CCBE1: variants seen among roughly 807,000 people sequenced by gnomAD.
CCBE1 encodes collagen and calcium binding EGF domains 1.
CCBE1 carries 37 observed loss-of-function variants against 50.0 expected under a neutral mutation model. The ratio of observed to expected loss-of-function variants is 0.74; its 90% CI spans 0.57 to 0.97. The LOEUF is 0.97. Ranked by LOEUF, CCBE1 falls within the 50% of genes least tolerant of loss-of-function variation. CCBE1 has a pLI of 0.00. For synonymous variants in CCBE1, 234 were observed against 203.7 expected (o/e 1.15, Z -1.27); for missense variants, 538 against 523.8 (o/e 1.03, Z -0.26).
At chr18:59,469,686 T>A (rs1911935961) in intron 3 of CCBE1, 79 bp from the exon 4 acceptor site, 1 of 1,588,630 alleles carries the variant, frequency 6.3e-7, no homozygotes, top group Admixed American at 1.7e-5. Context: ...AAGGACTTTC[T>A]GGGCTGGGCT....
At chr18:59,653,375 G>C (rs2054150279) in intron 2 of CCBE1, among the ~76,000 whole-genome samples, 1 of 152,214 alleles carries the variant, frequency 6.6e-6, no homozygotes, top group Non-Finnish European at 1.5e-5. Context: ...ATCTGGTCAT[G>C]CTACTTTTTT....
intron 2 of CCBE1, among the ~76,000 whole-genome samples, chr18:59,576,474 T>C (rs1023689517): frequency 1.5e-4 from 23 of 152,184 alleles, no homozygotes; most frequent in African/African-American, 5.5e-4. Flanking sequence ...GAAATATCAA[T>C]GTTAAATGGG....
chr18:59,697,556 A>C, upstream of CCBE1: 1 of 626,388 alleles, frequency 1.6e-6, no homozygotes, highest in Non-Finnish European at 2.7e-6. Flanking sequence ...AACCCAGCAG[A>C]GAAGCAGGTA....
chr18:59,498,954 C>T (rs918971713), intron 2 of CCBE1, among the ~76,000 whole-genome samples: 1 of 152,178 alleles, frequency 6.6e-6, no homozygotes, highest in Admixed American at 6.5e-5. Flanking sequence ...TTGGAGAGAA[C>T]AGTTTTTCCT....
At chr18:59,455,194 T>C (rs1442351382) in intron 5 of CCBE1, 4 of 598,266 alleles carry the variant, frequency 6.7e-6, no homozygotes, top group Non-Finnish European at 3.1e-6. Flanking sequence ...TATTTAGACA[T>C]GCCAGGAAGA....
intron 2 of CCBE1, 187 bp downstream of exon 2, chr18:59,696,442 C>T (rs1368920144): frequency 2.1e-6 from 3 of 1,428,544 alleles, no homozygotes; most frequent in African/African-American, 2.8e-5. Context: ...GTCAGTTGCT[C>T]AGTGTTGCTC....
rs2054240818 is a variant in CCBE1 at position 59,658,807 on chromosome 18, G to C, written c.212+37822C>G. ...AGGCAGGAAAATCCCTTGAACCCGG[G>C]CAGTGGAGTTTGCAGTGAGCCAAGA... On this transcript the variant is annotated intron_variant, in intron 2 of 10. Transcript: ENST00000439986. Among the ~76,000 whole-genome samples, 3 of 145,746 alleles carry C rather than the reference G, an allele frequency of 2.1e-5. No homozygotes were observed. In the Admixed American group the frequency reaches 2.2e-4, roughly 11 times the overall value.
At chr18:59,634,701 TAAACTA>T (rs1315408243) in intron 2 of CCBE1, among the ~76,000 whole-genome samples, 1 of 152,152 alleles carries the variant, frequency 6.6e-6, no homozygotes, top group Non-Finnish European at 1.5e-5. Flanking sequence ...TTAAAATAAT[TAAACTA>T]AAACATGAGC....
intron 2 of CCBE1, among the ~76,000 whole-genome samples, chr18:59,661,364 G>C (rs1204643166): frequency 6.6e-6 from 1 of 152,208 alleles, no homozygotes; most frequent in African/African-American, 2.4e-5. Context: ...AGTCAGAATA[G>C]GGGTTCAATA....
At chr18:59,680,989 T>C (rs1166816747) in intron 2 of CCBE1, among the ~76,000 whole-genome samples, 1 of 149,594 alleles carries the variant, frequency 6.7e-6, no homozygotes, top group Non-Finnish European at 1.5e-5. Context: ...TACAAAAACC[T>C]GATAATTATC....
intron 2 of CCBE1, among the ~76,000 whole-genome samples, chr18:59,657,541 T>A (rs1599108172): frequency 6.6e-6 from 1 of 152,188 alleles, no homozygotes; most frequent in Non-Finnish European, 1.5e-5. Context: ...AGTTTTAAGA[T>A]CATTGATGAC....
chr18:59,633,506 C>T (rs1217789213), intron 2 of CCBE1, among the ~76,000 whole-genome samples: 1 of 152,300 alleles, frequency 6.6e-6, no homozygotes, highest in African/African-American at 2.4e-5. Flanking sequence ...GGGCCCATGC[C>T]GAGAACAGAA....
intron 7 of CCBE1, among the ~76,000 whole-genome samples, chr18:59,443,469 CT>C (rs11337100): frequency 0.27 from 39,355 of 144,624 alleles, 5,519 homozygotes; most frequent in Middle Eastern, 0.39. Flanking sequence ...AATTTGCCAA[CT>C]TTTTTTTTTT....
intron 5 of CCBE1, among the ~76,000 whole-genome samples, chr18:59,460,171 T>C (rs1439910623): frequency 1.3e-5 from 2 of 152,194 alleles, no homozygotes; most frequent in African/African-American, 2.4e-5. Flanking sequence ...AGACAGCTTG[T>C]CTCACTGAGC....
intron 2 of CCBE1, among the ~76,000 whole-genome samples, chr18:59,590,773 GT>G (rs1220341910): frequency 6.6e-6 from 1 of 152,126 alleles, no homozygotes; most frequent in East Asian, 1.9e-4. Context: ...GCAAAAATGG[GT>G]TTTAATAAGT....
rs576137204 is a variant in CCBE1 at position 59,589,323 on chromosome 18, T to C, written c.212+107306A>G. On this transcript the variant is annotated intron_variant, in intron 2 of 10. Transcript: ENST00000439986. ...TACATAATAAATAGAGAAAGTTACC[T>C]CTTACAAAAGCAACAGGCCCATATG... Among the ~76,000 whole-genome samples the C allele has an allele frequency of 3.3e-4, 50 of 152,282 alleles. 2 individuals are homozygous for C. The highest frequency in any genetic ancestry group is 2.1e-3 in the South Asian group (10 of 4,822).
chr18:59,615,118 G>A (rs956954536), intron 2 of CCBE1, among the ~76,000 whole-genome samples: 17 of 152,170 alleles, frequency 1.1e-4, no homozygotes, highest in Admixed American at 5.2e-4. Context: ...ACTTCATCAA[G>A]TCTTGATTAG....
chr18:59,571,566 T>C (rs1491002875), intron 2 of CCBE1, among the ~76,000 whole-genome samples: 1 of 152,080 alleles, frequency 6.6e-6, no homozygotes, highest in African/African-American at 2.4e-5. Context: ...ATGGCACATA[T>C]ATACATATGT....
chr18:59,477,546 G>C (rs979413976), intron 3 of CCBE1, among the ~76,000 whole-genome samples: 18 of 78,530 alleles, frequency 2.3e-4, no homozygotes, highest in African/African-American at 8.7e-4. Flanking sequence ...CTCTGTGTGT[G>C]TGTGTGTGTG....
Sources: gnomAD v4.1 joint callset for allele counts (sites outside exome capture counted in the v4.1 genomes callset) on GRCh38, gnomAD v4.1.1 for gene constraint, MANE v1.5 for transcripts, NCBI Gene and HGNC (gene_info 2026-07-23, HGNC 2026-07-21) for gene names.